The following RGMA variants were observed in gnomAD, a reference collection of about 807,000 sequenced individuals.
RGMA encodes the protein repulsive guidance molecule BMP co-receptor a, also known as repulsive guidance molecule A.
RGMA carries 10 observed loss-of-function variants against 23.2 expected under a neutral mutation model. The observed-to-expected ratio is 0.43, with a 90% CI of 0.27 to 0.73. The LOEUF (loss-of-function observed/expected upper bound fraction) is 0.73, where lower values mean the gene tolerates loss of function less well. Ranked by LOEUF, RGMA falls within the 30% of genes least tolerant of loss-of-function variation. The probability of loss-of-function intolerance (pLI) is 0.20; values close to 1 mark genes in which losing one functional copy is unlikely to be tolerated. For synonymous variants in RGMA, 308 were observed against 279.3 expected (o/e 1.10, Z -1.03); for missense variants, 547 against 630.5 (o/e 0.87, Z 1.42).
At position 93,037,901 on chromosome 15, in the gene RGMA, G is replaced by C. The variant is rs1320934910; in HGVS notation, c.*7097C>G. On this transcript the variant is annotated 3_prime_UTR_variant, in exon 4 of 4. Coordinates refer to ENST00000329082, the MANE Select transcript of RGMA (RefSeq NM_020211.3). The surrounding 1 kb of genome is among the most constrained non-coding windows in gnomAD (Gnocchi z 4.3). ...TTTCGCCTTGGGATCTGGGCTGCCT[G>C]GGATCACAGCCCTCATTCCGGAACG... The C allele has an allele frequency of 6.6e-6, 1 of 152,236 alleles. No individual in the cohort carries two copies. The highest frequency in any genetic ancestry group is 2.4e-5 in the African/African-American group (1 of 41,438). The allele number at this position is 152,236 out of a possible 1,614,324, so 9.4% of individuals were successfully genotyped here. A position where few individuals can be genotyped will look rare whatever the true frequency, so the allele number is the denominator to read the frequency against.
chr15:93,067,671 T>G (rs530668786), intron 2 of RGMA, among the ~76,000 whole-genome samples: 82 of 150,720 alleles, frequency 5.4e-4, no homozygotes, highest in African/African-American at 1.9e-3. Flanking sequence ...GGGTGGTATA[T>G]GGGGAGGCAA....
chr15:93,041,065 G>C lies in RGMA; in HGVS notation c.*3933C>G, dbSNP rs892118245. Reference sequence around the variant, plus strand: ...GTGCCACCCCTGCTCCATGCCACTTGCTGGCACAGCTCTGATGACTGTCTC... The same window carrying C: ...GTGCCACCCCTGCTCCATGCCACTTCCTGGCACAGCTCTGATGACTGTCTC... On this transcript the variant is annotated 3_prime_UTR_variant, in exon 4 of 4. Transcript: ENST00000329082. 1.3e-5 allele frequency: 2 copies of C among 152,240 alleles called. No individual in the cohort carries two copies. Among genetic ancestry groups the C allele is most frequent in the African/African-American group, 4.8e-5 (2 of 41,436 alleles). The allele number at this position is 152,240 out of a possible 1,614,324, so 9.4% of individuals were successfully genotyped here. A position where few individuals can be genotyped will look rare whatever the true frequency, so the allele number is the denominator to read the frequency against.
At chr15:93,056,089 G>C (rs1015333561) in intron 2 of RGMA, among the ~76,000 whole-genome samples, 1 of 152,220 alleles carries the variant, frequency 6.6e-6, no homozygotes, top group Non-Finnish European at 1.5e-5. Flanking sequence ...GTAGCCCAGG[G>C]GTTCTGCAAT....
chr15:93,065,690 A>AG (rs1454153138), intron 2 of RGMA: 13 of 1,158,430 alleles, frequency 1.1e-5, no homozygotes, highest in Non-Finnish European at 1.6e-5. Context: ...TGCTGGAAGT[A>AG]GGGGTGGTTT....
At chr15:93,062,660 T>C (rs924625282) in intron 2 of RGMA, 4 of 152,132 alleles carry the variant, frequency 2.6e-5, no homozygotes, top group African/African-American at 9.7e-5. Flanking sequence ...CCTGTTAAAT[T>C]TCCCCACAAG....
intron 2 of RGMA, among the ~76,000 whole-genome samples, chr15:93,056,930 G>A (rs528157551): frequency 2.6e-4 from 39 of 152,296 alleles, no homozygotes; most frequent in Admixed American, 1.9e-3. Context: ...TTGCAGCCCC[G>A]GGAGGTCAGA....
At chr15:93,059,524 T>G (rs1333355734) in intron 2 of RGMA, among the ~76,000 whole-genome samples, 2 of 152,166 alleles carry the variant, frequency 1.3e-5, no homozygotes, top group Non-Finnish European at 2.9e-5. Context: ...GGGACCAGAA[T>G]AAAGGGTGAC....
At chr15:93,081,176 G>A (rs1015737143) in intron 1 of RGMA, among the ~76,000 whole-genome samples, 1 of 152,034 alleles carries the variant, frequency 6.6e-6, no homozygotes, top group Non-Finnish European at 1.5e-5. Context: ...TCAATCTGCA[G>A]AATCACAGCC....
chr15:93,069,718 G>A (rs1415184057), intron 2 of RGMA, among the ~76,000 whole-genome samples: 1 of 152,188 alleles, frequency 6.6e-6, no homozygotes, highest in African/African-American at 2.4e-5. Flanking sequence ...TAGGTCTGTG[G>A]TGGGCCTAGA....
chr15:93,051,162 G>A (rs2054912374), intron 3 of RGMA, among the ~76,000 whole-genome samples: 1 of 152,240 alleles, frequency 6.6e-6, no homozygotes, highest in Non-Finnish European at 1.5e-5. Context: ...CGGAGCAGAG[G>A]GAAGTGGCAG....
rs373906110 is a variant in RGMA, at chr15:93,052,272, C to G, written c.366G>C (p.Ser122=). The G allele has an allele frequency of 6.2e-7, 1 of 1,602,696 alleles. No individual in the cohort carries two copies. Among genetic ancestry groups the G allele is most frequent in the East Asian group, 2.2e-5 (1 of 44,628 alleles). Residue 122 remains serine (S), a synonymous_variant, in exon 3 of 4, where the codon TCG becomes TCC. Coordinates refer to ENST00000329082, the MANE Select transcript of RGMA (RefSeq NM_020211.3). The part of the protein sequence containing the change: ...QHNCSKDGPT[S]QPRLRTLPPA... ...GTGGGAGCGTGCGCAGGCGTGGCTG[C>G]GAGGTGGGGCCATCCTTGGAGCAGT... is the stretch of plus-strand genomic sequence containing the variant.
chr15:93,086,349 C>G (rs1225747897), intron 1 of RGMA, among the ~76,000 whole-genome samples: 3 of 152,168 alleles, frequency 2.0e-5, no homozygotes, highest in African/African-American at 4.8e-5. Flanking sequence ...TGTTTTTGCT[C>G]AATTGCACTT....
chr15:93,060,287 C>A (rs2055081476), intron 2 of RGMA, among the ~76,000 whole-genome samples: 1 of 152,190 alleles, frequency 6.6e-6, no homozygotes, highest in Non-Finnish European at 1.5e-5. Flanking sequence ...CCCTTAGAAG[C>A]ATATTATGGG....
chr15:93,065,898 C>T (rs1160621131), intron 2 of RGMA: 9 of 714,318 alleles, frequency 1.3e-5, no homozygotes, highest in Non-Finnish European at 2.0e-5. Flanking sequence ...TCTCTGTAGG[C>T]TGTTGCTGGC....
intron 1 of RGMA, chr15:93,088,247 T>G: frequency 1.0e-6 from 1 of 979,808 alleles, no homozygotes; most frequent in Non-Finnish European, 1.2e-6. Context: ...GCCCTCCCAT[T>G]GAATACACCT....
chr15:93,046,537 C>T (rs930432081), intron 3 of RGMA, among the ~76,000 whole-genome samples: 1 of 152,164 alleles, frequency 6.6e-6, no homozygotes, highest in Non-Finnish European at 1.5e-5. Flanking sequence ...CATCATCTTG[C>T]ATAATGACAG....
intron 2 of RGMA, chr15:93,066,491 C>T (rs372624144): frequency 5.9e-5 from 31 of 529,664 alleles, no homozygotes; most frequent in African/African-American, 4.7e-4. Context: ...GGGGTCCCAT[C>T]CCAGCAGCGG....
rs1296456860 is a variant in RGMA at position 93,052,422 on chromosome 15, G to A, written c.216C>T (p.Thr72=). ...SGSHAPASDD[T]PEFCAALRSY... ...TGCGCAAGGCTGCACAGAACTCGGG[G>A]GTGTCGTCTGAGGCTGGGGCGTGGC... is the stretch of plus-strand genomic sequence containing the variant. The change falls in exon 3 of 4, where the codon ACC becomes ACT. Residue 72 remains threonine (T), a synonymous_variant. Transcript: ENST00000329082. The A allele has an allele frequency of 1.3e-6, 2 of 1,596,620 alleles. No homozygotes were observed. Among genetic ancestry groups the A allele is most frequent in the Non-Finnish European group, 1.7e-6 (2 of 1,177,552 alleles).
chr15:93,069,784 C>T (rs1895266179), intron 2 of RGMA, among the ~76,000 whole-genome samples: 1 of 152,208 alleles, frequency 6.6e-6, no homozygotes, highest in African/African-American at 2.4e-5. Context: ...CCAGGGACCA[C>T]ACTTGGAGAA....
Sources: gnomAD v4.1 joint callset for allele counts (sites outside exome capture counted in the v4.1 genomes callset) on GRCh38, gnomAD v4.1.1 for gene constraint, Gnocchi (gnomAD v3.1) non-coding constraint, MANE v1.5 for transcripts, NCBI Gene and HGNC (gene_info 2026-07-23, HGNC 2026-07-21) for gene names.